The following TC2N variants were observed in gnomAD, a reference collection of about 807,000 sequenced individuals.
TC2N encodes tandem C2 domains, nuclear.
A neutral mutation model predicts 61.9 loss-of-function variants in TC2N; 51 were observed. The observed-to-expected ratio is 0.82, with a 90% CI of 0.66 to 1.04. The LOEUF (loss-of-function observed/expected upper bound fraction) is 1.04, where lower values mean the gene tolerates loss of function less well. Among genes scored for constraint, TC2N ranks in the 50% least tolerant of loss-of-function variants. The pLI, the probability that TC2N is intolerant of heterozygous loss-of-function variation, is 0.00. For missense variants in TC2N, 556 were observed against 566.7 expected, an observed-to-expected ratio of 0.98 and a Z score of 0.19; for synonymous variants, 204 against 192.6, an observed-to-expected ratio of 1.06 and a Z score of -0.49.
At chr14:91,811,139 T>G (rs1886747938) in intron 3 of TC2N, among the ~76,000 whole-genome samples, 1 of 152,102 alleles carries the variant, frequency 6.6e-6, no homozygotes, top group African/African-American at 2.4e-5. Flanking sequence ...AGAAGAAAAC[T>G]GTAAAGAGAT....
chr14:91,792,662 T>G, intron 8 of TC2N, 104 bp from the exon 9 acceptor site: 1 of 529,482 alleles, frequency 1.9e-6, no homozygotes, highest in Non-Finnish European at 3.0e-6. Flanking sequence ...ATTCAATTCT[T>G]TTTACAACAA....
At chr14:91,867,144 CAAACCTT>C (rs575040151) in intron 1 of TC2N, 111 bp downstream of exon 1, 157 of 152,264 alleles carry the variant, frequency 1.0e-3, no homozygotes, top group African/African-American at 3.7e-3. Context: ...AAATAAAACA[CAAACCTT>C]AAAGACTCGG....
intron 1 of TC2N, among the ~76,000 whole-genome samples, chr14:91,823,441 AC>A (rs1480225494): frequency 1.3e-5 from 2 of 151,252 alleles, no homozygotes; most frequent in African/African-American, 4.9e-5. Flanking sequence ...AACCACTTGA[AC>A]CCGGGAGGCG....
At chr14:91,826,684 AGTTAGATTGT>A (rs1411090328) in intron 1 of TC2N, among the ~76,000 whole-genome samples, 3 of 152,094 alleles carry the variant, frequency 2.0e-5, no homozygotes, top group Non-Finnish European at 4.4e-5. Context: ...AGTAGTATGT[AGTTAGATTGT>A]GTTCTACTAT....
Position 91,785,335 on chromosome 14 carries a change from T to C in TC2N, c.1189A>G (p.Ser397Gly). 6.2e-7 allele frequency: 1 copy of C among 1,613,552 alleles called. No individual in the cohort carries two copies. The highest frequency in any genetic ancestry group is 8.5e-7 in the Non-Finnish European group (1 of 1,179,750). The change falls in exon 11 of 12, where the codon AGC becomes GGC. Residue 397 changes from serine (S) to glycine (G), a missense_variant. Physicochemically the swap from Ser to Gly is moderately conservative, Grantham distance 56. Coordinates refer to ENST00000435962, the MANE Select transcript of TC2N (RefSeq NM_001128596.3). Reference sequence around the variant, plus strand: ...TTCTTATAAATCAACTCTCCCGAGCTAAACATTCCCACCTTCACGAAAAAA... The same window carrying C: ...TTCTTATAAATCAACTCTCCCGAGCCAAACATTCCCACCTTCACGAAAAAA... Reference protein sequence around the residue: ...LSFFVKVGMFSSGELIYKKKT... With the variant: ...LSFFVKVGMFGSGELIYKKKT...
chr14:91,802,262 T>A lies in TC2N; in HGVS notation c.461A>T (p.Tyr154Phe). The A allele has an allele frequency of 6.3e-7, 1 of 1,580,548 alleles. No homozygotes were observed. The highest frequency in any genetic ancestry group is 8.6e-7 in the Non-Finnish European group (1 of 1,168,148). ...ACAAAAGATCTTCATACCCGATCCATACAGTCTCTTCACTTCTGAACGGGG... is the reference window on the plus strand; with the variant it reads ...ACAAAAGATCTTCATACCCGATCCAAACAGTCTCTTCACTTCTGAACGGGG... ...FPPRSEVKRL[Y>F]GSVCDLRTNK... Residue 154 changes from tyrosine (Y) to phenylalanine (F), a missense_variant, in exon 4 of 12, where the codon TAT becomes TTT. Coordinates refer to ENST00000435962, the MANE Select transcript of TC2N (RefSeq NM_001128596.3).
intron 1 of TC2N, among the ~76,000 whole-genome samples, chr14:91,832,543 C>T (rs181484509): frequency 7.9e-5 from 12 of 152,242 alleles, no homozygotes; most frequent in Admixed American, 4.6e-4. Flanking sequence ...TACCATTTCT[C>T]ACCCGATTGT....
chr14:91,851,990 G>A (rs12891605), intron 1 of TC2N, among the ~76,000 whole-genome samples: 74,393 of 152,114 alleles, frequency 0.49, 18,520 homozygotes, highest in African/African-American at 0.57. Context: ...TATTCAAGAT[G>A]GCCTTAGTTT....
At chr14:91,806,050 C>T (rs1028088754) in intron 3 of TC2N, among the ~76,000 whole-genome samples, 8 of 152,084 alleles carry the variant, frequency 5.3e-5, no homozygotes, top group African/African-American at 1.9e-4. Context: ...GAATAAGTCT[C>T]AAGAGATCTG....
chr14:91,828,887 C>A (rs1413864614), intron 1 of TC2N, among the ~76,000 whole-genome samples: 3 of 151,762 alleles, frequency 2.0e-5, no homozygotes, highest in African/African-American at 7.3e-5. Context: ...TGTTAGCAAC[C>A]ATTGATCATC....
At chr14:91,789,043 G>A (rs1885505794) in intron 9 of TC2N, among the ~76,000 whole-genome samples, 1 of 151,944 alleles carries the variant, frequency 6.6e-6, no homozygotes, top group Non-Finnish European at 1.5e-5. Context: ...GAGTCATACT[G>A]TTTATAAAAC....
At chr14:91,841,124 AAAG>A (rs1888154992) in intron 1 of TC2N, among the ~76,000 whole-genome samples, 4 of 152,318 alleles carry the variant, frequency 2.6e-5, no homozygotes, top group Non-Finnish European at 5.9e-5. Flanking sequence ...TCCAAAAACA[AAAG>A]AAGGTTTTCC....
intron 9 of TC2N, among the ~76,000 whole-genome samples, chr14:91,790,204 C>T (rs1885578421): frequency 6.6e-6 from 1 of 152,200 alleles, no homozygotes; most frequent in African/African-American, 2.4e-5. Flanking sequence ...ATTTCTTCCA[C>T]ATTATTCAAT....
intron 1 of TC2N, among the ~76,000 whole-genome samples, chr14:91,848,050 G>A (rs2139915695): frequency 6.6e-6 from 1 of 152,326 alleles, no homozygotes; most frequent in East Asian, 1.9e-4. Context: ...TTAAGAGAAA[G>A]TAACTTTCCA....
At chr14:91,797,982 CT>C in intron 7 of TC2N, 81 bp from the exon 8 acceptor site, 1 of 969,328 alleles carries the variant, frequency 1.0e-6, no homozygotes, top group Non-Finnish European at 1.6e-6. Flanking sequence ...GAGGTACTGA[CT>C]TTAGATAAAA....
intron 1 of TC2N, among the ~76,000 whole-genome samples, chr14:91,860,557 T>C (rs148507046): frequency 6.6e-6 from 1 of 152,302 alleles, no homozygotes; most frequent in African/African-American, 2.4e-5. Flanking sequence ...ACCTGCACAA[T>C]ATGAAGTCCA....
intron 1 of TC2N, among the ~76,000 whole-genome samples, chr14:91,816,739 G>A (rs528140890): frequency 4.7e-4 from 71 of 151,564 alleles, no homozygotes; most frequent in Non-Finnish European, 8.7e-4. Context: ...TTCCCAATTC[G>A]CTATCTCATT....
At chr14:91,823,120 T>C (rs1887333131) in intron 1 of TC2N, among the ~76,000 whole-genome samples, 1 of 152,140 alleles carries the variant, frequency 6.6e-6, no homozygotes, top group Admixed American at 6.5e-5. Context: ...TTACTACATA[T>C]CAATTAGACC....
chr14:91,805,947 T>C (rs1886489420), intron 3 of TC2N, among the ~76,000 whole-genome samples: 1 of 152,166 alleles, frequency 6.6e-6, no homozygotes, highest in Non-Finnish European at 1.5e-5. Flanking sequence ...TCTTTAATTG[T>C]AGCTCCTATA....
Sources: allele counts gnomAD v4.1 joint callset (sites outside exome capture counted in the v4.1 genomes callset), GRCh38; gene constraint gnomAD v4.1.1; transcripts MANE v1.5; gene names NCBI Gene and HGNC (gene_info 2026-07-23, HGNC 2026-07-21).